The following MPDZ variants were observed in gnomAD, a reference collection of about 807,000 sequenced individuals.
The protein encoded by MPDZ is multiple PDZ domain crumbs cell polarity complex component.
A neutral mutation model predicts 239.1 loss-of-function variants in MPDZ; 234 were observed. The observed-to-expected ratio is 0.98, with a 90% CI of 0.88 to 1.09. The LOEUF is 1.09. Ranked by LOEUF, MPDZ falls within the 50% of genes least tolerant of loss-of-function variation. The pLI, the probability that MPDZ is intolerant of heterozygous loss-of-function variation, is 0.00. For missense variants in MPDZ, 3,175 were observed against 2,510.0 expected (o/e 1.26, Z -5.66); for synonymous variants, 1,048 against 881.3 (o/e 1.19, Z -3.35).
chr9:13,202,103 G>A lies in MPDZ; in HGVS notation c.1546+2933C>T, dbSNP rs77838247. Among the ~76,000 whole-genome samples the A allele has an allele frequency of 1.9e-3, 288 of 152,216 alleles. 3 individuals carry two copies. Among genetic ancestry groups the A allele is most frequent in the African/African-American group, 6.4e-3 (266 of 41,542 alleles). ...TTCCAGTTTTTGCAAGTGCTCTTTG[G>A]TGGTGTTAGAGATTTACTACTTAGT... On this transcript the variant is annotated intron_variant, in intron 12 of 46. Transcript: ENST00000319217.
chr9:13,196,147 T>C lies in MPDZ; in HGVS notation c.1630A>G (p.Ile544Val). ...EAALLTKWQR[I>V]MGINYEIVVA... is the part of the protein sequence containing the mutation. ...ACTATTTCATAGTTAATTCCCATAA[T>C]CCTTTGCCATTTTGTCAGCAGAGCA... is the stretch of plus-strand genomic sequence containing the variant. Residue 544 changes from isoleucine to valine, a missense_variant, in exon 13 of 47, where the codon ATT becomes GTT. Coordinates refer to ENST00000319217, the MANE Select transcript of MPDZ (RefSeq NM_001378778.1). 6.2e-7 allele frequency: 1 copy of C among 1,601,668 alleles called. No homozygotes were observed. Among genetic ancestry groups the C allele is most frequent in the Non-Finnish European group, 8.5e-7 (1 of 1,172,922 alleles).
chr9:13,180,686 A>G (rs1278069200), intron 19 of MPDZ, among the ~76,000 whole-genome samples: 2 of 152,234 alleles, frequency 1.3e-5, no homozygotes, highest in Admixed American at 1.3e-4. Flanking sequence ...GAAATCAAAC[A>G]TAAAATAATA....
At chr9:13,201,469 T>G (rs1042787057) in intron 12 of MPDZ, among the ~76,000 whole-genome samples, 7 of 152,046 alleles carry the variant, frequency 4.6e-5, no homozygotes, top group Admixed American at 3.3e-4. Flanking sequence ...TTTCTCCAGA[T>G]TTGAGAAATT....
At chr9:13,241,944 T>C (rs1005214932) in intron 3 of MPDZ, among the ~76,000 whole-genome samples, 6 of 152,122 alleles carry the variant, frequency 3.9e-5, no homozygotes, top group African/African-American at 7.2e-5. Flanking sequence ...GAAGTACACA[T>C]TGACTACCTG....
intron 31 of MPDZ, chr9:13,134,427 T>C (rs1038148923): frequency 6.6e-6 from 1 of 152,222 alleles, no homozygotes; most frequent in Admixed American, 6.6e-5. Flanking sequence ...TTATCTTAAA[T>C]AACCACGTGG....
chr9:13,250,451 A>T (rs1309673895), intron 1 of MPDZ, 79 bp from the exon 2 acceptor site: 6 of 721,226 alleles, frequency 8.3e-6, no homozygotes, highest in Non-Finnish European at 1.4e-5. Flanking sequence ...AGAACACTTG[A>T]TACAACTCTA....
intron 24 of MPDZ, among the ~76,000 whole-genome samples, chr9:13,157,149 T>C (rs1479214724): frequency 6.6e-6 from 1 of 152,220 alleles, no homozygotes; most frequent in Non-Finnish European, 1.5e-5. Context: ...AATTCTTCTC[T>C]TGAGCATTTT....
At chr9:13,244,984 T>C (rs1966265687) in intron 3 of MPDZ, among the ~76,000 whole-genome samples, 1 of 152,080 alleles carries the variant, frequency 6.6e-6, no homozygotes, top group Non-Finnish European at 1.5e-5. Flanking sequence ...AAGATGGAGA[T>C]AGTAAATTGC....
intron 22 of MPDZ, among the ~76,000 whole-genome samples, chr9:13,164,805 C>T (rs569204768): frequency 9.1e-4 from 139 of 152,232 alleles, no homozygotes; most frequent in African/African-American, 3.2e-3. Context: ...CCAGAACAAG[C>T]ATCCCACAAT....
At chr9:13,239,440 C>CTA (rs1476546368) in intron 3 of MPDZ, among the ~76,000 whole-genome samples, 1 of 151,996 alleles carries the variant, frequency 6.6e-6, no homozygotes, top group East Asian at 1.9e-4. Context: ...AAACCATTAA[C>CTA]TATAATAGAA....
chr9:13,115,606 T>C (rs1943278328), intron 39 of MPDZ, among the ~76,000 whole-genome samples: 1 of 152,090 alleles, frequency 6.6e-6, no homozygotes, highest in South Asian at 2.1e-4. Flanking sequence ...AAATGGAGAA[T>C]TGAGCAATTA....
intron 22 of MPDZ, chr9:13,165,463 C>CA: frequency 6.5e-7 from 1 of 1,544,176 alleles, no homozygotes; most frequent in Non-Finnish European, 8.7e-7. Flanking sequence ...TAACAAATGT[C>CA]AATGTCTTGT....
intron 23 of MPDZ, 82 bp from the exon 24 acceptor site, chr9:13,158,192 C>A (rs905081181): frequency 3.8e-6 from 4 of 1,055,580 alleles, no homozygotes; most frequent in Non-Finnish European, 5.7e-6. Context: ...ATTGATTTAG[C>A]TAAAAATGCA....
In MPDZ at chr9:13,106,657, C is replaced by CTTA. The variant is rs1007492546; in HGVS notation, c.*305_*307dup. ...AATTATCTTTCTTTATACTAACCAG[C>CTTA]TTAGCATGTAATAATTCTTGCCCAT... is the stretch of plus-strand genomic sequence containing the variant. On this transcript the variant is annotated 3_prime_UTR_variant, in exon 47 of 47. Transcript: ENST00000319217. The CTTA allele has an allele frequency of 4.1e-6, 1 of 241,346 alleles. No homozygotes were observed. The highest frequency in any genetic ancestry group is 8.0e-6 in the Non-Finnish European group (1 of 124,484). The allele number at this position is 241,346 out of a possible 1,614,324, so 15.0% of individuals were successfully genotyped here.
chr9:13,232,986 T>G (rs181789266), intron 3 of MPDZ, among the ~76,000 whole-genome samples: 54 of 151,974 alleles, frequency 3.6e-4, no homozygotes, highest in African/African-American at 1.2e-3. Context: ...AATAAAATGA[T>G]ACTATAACAT....
At chr9:13,144,986 A>G (rs1193456505) in intron 26 of MPDZ, among the ~76,000 whole-genome samples, 1 of 152,098 alleles carries the variant, frequency 6.6e-6, no homozygotes, top group Non-Finnish European at 1.5e-5. Context: ...AGTGTCCTGT[A>G]TAATTCTGTA....
intron 27 of MPDZ, among the ~76,000 whole-genome samples, chr9:13,142,571 C>G (rs1947866217): frequency 6.6e-6 from 1 of 152,092 alleles, no homozygotes; most frequent in African/African-American, 2.4e-5. Flanking sequence ...TCAAGTACAG[C>G]ACACACATAA....
chr9:13,252,357 G>A (rs964641052), intron 1 of MPDZ, among the ~76,000 whole-genome samples: 5 of 151,294 alleles, frequency 3.3e-5, no homozygotes, highest in African/African-American at 1.2e-4. Context: ...CACGAGGTCA[G>A]GAGATCCAGA....
At chr9:13,258,289 T>A (rs973427838) in intron 1 of MPDZ, among the ~76,000 whole-genome samples, 1 of 152,204 alleles carries the variant, frequency 6.6e-6, no homozygotes, top group Non-Finnish European at 1.5e-5. Flanking sequence ...GAAAATATGT[T>A]TTAGGCTAAA....
Sources: allele counts gnomAD v4.1 joint callset (sites outside exome capture counted in the v4.1 genomes callset), GRCh38; gene constraint gnomAD v4.1.1; transcripts MANE v1.5; gene names NCBI Gene and HGNC (gene_info 2026-07-23, HGNC 2026-07-21).